Variants in ARMCX4 observed in about 807,000 individuals in gnomAD.
ARMCX4 encodes the protein armadillo repeat-containing X-linked protein 4.
Under a neutral mutation model 34.7 loss-of-function variants are expected in ARMCX4, and 3 were observed. That is an observed-to-expected ratio of 0.09 (90% CI 0.04 to 0.22). The LOEUF (loss-of-function observed/expected upper bound fraction) is 0.22. ARMCX4 is among the 10% of genes least tolerant of loss of function. ARMCX4 has a pLI of 1.00. For missense variants in ARMCX4, 1,448 were observed against 1,720.8 expected, an observed-to-expected ratio of 0.84 and a Z score of 2.81; for synonymous variants, 513 against 632.8, an observed-to-expected ratio of 0.81 and a Z score of 2.84.
At chrX:101,523,050 C>T (rs1423508879) in intron 11 of ARMCX4, among the ~76,000 whole-genome samples, 1 of 111,596 alleles carries the variant, frequency 9.0e-6, no homozygotes, top group Non-Finnish European at 1.9e-5. Flanking sequence ...ATATATGAAG[C>T]TACGTTCACT....
At chrX:101,446,932 C>T (rs1170023090), downstream of ARMCX4, among the ~76,000 whole-genome samples, 11 of 99,365 alleles carry the variant, frequency 1.1e-4, no homozygotes, top group South Asian at 3.1e-3. Context: ...CCAGCCTAGG[C>T]GACAGAGTGA....
intron 2 of ARMCX4, among the ~76,000 whole-genome samples, chrX:101,432,414 G>C (rs1323471219): frequency 9.0e-6 from 1 of 111,553 alleles, no homozygotes; most frequent in African/African-American, 3.3e-5. Flanking sequence ...TGTAATCCCA[G>C]CACTTTGGGA....
chrX:101,489,188 C>T lies in ARMCX4; in HGVS notation c.599C>T (p.Thr200Ile). 8.7e-7 allele frequency: 1 copy of T among 1,155,455 alleles called. No homozygotes were observed. Among genetic ancestry groups the T allele is most frequent in the South Asian group, 1.9e-5 (1 of 52,697 alleles). ...ACTCATATATTGGCTGAAAAAGAGA[C>T]AGAGATTAACAGAGTAATGGTTACA... The part of the protein sequence containing the change: ...AETHILAEKE[T>I]EINRVMVTQS... Residue 200 changes from threonine (T) to isoleucine (I), a missense_variant, in exon 6 of 6, where the codon ACA becomes ATA. Transcript: ENST00000423738.
chrX:101,491,491 G>A lies in ARMCX4; in HGVS notation c.2902G>A (p.Val968Ile). The A allele has an allele frequency of 8.7e-7, 1 of 1,154,703 alleles. No homozygotes were observed. Among genetic ancestry groups the A allele is most frequent in the Non-Finnish European group, 1.1e-6 (1 of 872,533 alleles). Residue 968 changes from valine (V) to isoleucine (I), a missense_variant, in exon 6 of 6, where the codon GTC becomes ATC. Coordinates refer to ENST00000423738, the MANE Select transcript of ARMCX4 (RefSeq NM_001256155.3). ...GEVLPGAKNKVRGNSNAVPKA... is the reference protein window; with the variant it reads ...GEVLPGAKNKIRGNSNAVPKA... Reference sequence around the variant, plus strand: ...GGTCTTGCCTGGGGCCAAAAATAAGGTCAGGGGCAATTCCAATGCTGTGCC... The same window carrying A: ...GGTCTTGCCTGGGGCCAAAAATAAGATCAGGGGCAATTCCAATGCTGTGCC...
At chrX:101,437,865 C>A (rs1373581254) in intron 2 of ARMCX4, among the ~76,000 whole-genome samples, 1 of 111,913 alleles carries the variant, frequency 8.9e-6, no homozygotes, top group East Asian at 2.8e-4. Context: ...TCATTGGTTT[C>A]AAAGAACATC....
chrX:101,523,937 A>G (rs1556019735), intron 11 of ARMCX4, among the ~76,000 whole-genome samples: 1 of 109,586 alleles, frequency 9.1e-6, no homozygotes, highest in African/African-American at 3.4e-5. Flanking sequence ...GCCTGCAGGC[A>G]TAGCTTTTTT....
Position 101,493,904 on chromosome X carries a change from G to T in ARMCX4, c.5315G>T (p.Gly1772Val). 1 of 1,152,506 alleles carries T rather than the reference G, an allele frequency of 8.7e-7. No homozygotes were observed. The highest frequency in any genetic ancestry group is 1.9e-5 in the South Asian group (1 of 52,546). The allele number at this position is 1,152,506 out of a possible 1,213,427, so 95.0% of individuals were successfully genotyped here. A position where few individuals can be genotyped will look rare whatever the true frequency, so the allele number is the denominator to read the frequency against. The part of the protein sequence containing the change: ...KDEATTASRS[G>V]AGEEAMICSR... The stretch of plus-strand genomic sequence containing the variant: ...GAGGCCACTACTGCATCCAGATCAG[G>T]GGCTGGGGAAGAGGCCATGATTTGT... Residue 1772 changes from glycine (G) to valine (V), a missense_variant, in exon 6 of 6, where the codon GGG (glycine) becomes GTG (valine). Coordinates refer to ENST00000423738, the MANE Select transcript of ARMCX4 (RefSeq NM_001256155.3).
intron 11 of ARMCX4, among the ~76,000 whole-genome samples, chrX:101,515,343 TTTTCTTTCTTTCTTTCTTTC>T: frequency 5.9e-5 from 1 of 17,004 alleles, no homozygotes; most frequent in Admixed American, 6.8e-4. Context: ...TTTCCTTTCC[TTTTCTTTCTTTCTTTCTTTC>T]TTTCTTTCTT....
At chrX:101,487,825 C>T in intron 4 of ARMCX4, 134 bp downstream of exon 4, 1 of 295,706 alleles carries the variant, frequency 3.4e-6, no homozygotes, top group Non-Finnish European at 6.0e-6. Flanking sequence ...CCTTTCCCAC[C>T]ATCCCTGTCA....
chrX:101,420,125 G>T (rs1929145983), intron 2 of ARMCX4, among the ~76,000 whole-genome samples: 1 of 111,998 alleles, frequency 8.9e-6, no homozygotes, highest in Non-Finnish European at 1.9e-5. Flanking sequence ...CACTCTGGGA[G>T]GCCGAGGCGG....
intron 4 of ARMCX4, among the ~76,000 whole-genome samples, chrX:101,456,791 A>G (rs782174209): frequency 9.0e-6 from 1 of 111,284 alleles, no homozygotes; most frequent in East Asian, 2.8e-4. Context: ...TTAATTGTCT[A>G]ATTTTTCCTT....
Position 101,487,671 on chromosome X carries a change from G to A in ARMCX4, c.-223G>A, listed in dbSNP as rs1016843743. The stretch of plus-strand genomic sequence containing the variant: ...GAAGCAAAGAAACAAAGAGGAGATT[G>A]CTCCTGATCAGTATAGACTGGTAAG... On this transcript the variant is annotated 5_prime_UTR_variant, in exon 4 of 6. Coordinates refer to ENST00000423738, the MANE Select transcript of ARMCX4 (RefSeq NM_001256155.3). The A allele has an allele frequency of 1.1e-4, 109 of 962,474 alleles. No individual in the cohort carries two copies. Among genetic ancestry groups the A allele is most frequent in the Admixed American group, 1.5e-4 (5 of 32,750 alleles). The allele number at this position is 962,474 out of a possible 1,213,427, so 79.3% of individuals were successfully genotyped here. A position where few individuals can be genotyped will look rare whatever the true frequency, so the allele number is the denominator to read the frequency against.
intron 2 of ARMCX4, among the ~76,000 whole-genome samples, chrX:101,436,345 T>C (rs373249149): frequency 9.0e-6 from 1 of 110,934 alleles, no homozygotes; most frequent in South Asian, 3.8e-4. Flanking sequence ...AGTTCTCCTT[T>C]ACGAGGTCCT....
downstream of ARMCX4, chrX:101,499,293 C>T (rs1183476083): frequency 2.7e-5 from 3 of 111,455 alleles, no homozygotes; most frequent in South Asian, 3.8e-4. Context: ...AAAGCCATGG[C>T]GTACATAAAG....
At chrX:101,529,680 A>T (rs1935074896) in intron 11 of ARMCX4, among the ~76,000 whole-genome samples, 1 of 112,583 alleles carries the variant, frequency 8.9e-6, no homozygotes, top group Non-Finnish European at 1.9e-5. Flanking sequence ...AAAGTATATG[A>T]ACAGACACTT....
At chrX:101,511,081 T>C (rs1934570816) in intron 11 of ARMCX4, 1 of 111,703 alleles carries the variant, frequency 9.0e-6, no homozygotes, top group Non-Finnish European at 1.9e-5. Context: ...TTCATTTTGA[T>C]AGGAACTTAA....
chrX:101,520,509 C>A (rs1251448852), intron 11 of ARMCX4, among the ~76,000 whole-genome samples: 1 of 112,142 alleles, frequency 8.9e-6, no homozygotes, highest in Non-Finnish European at 1.9e-5. Flanking sequence ...TTTTCTGTGT[C>A]TATTGAAATG....
intron 4 of ARMCX4, among the ~76,000 whole-genome samples, chrX:101,478,217 TATAA>T (rs1164172529): frequency 1.8e-5 from 2 of 112,142 alleles, no homozygotes; most frequent in African/African-American, 6.5e-5. Flanking sequence ...TTACAGACAA[TATAA>T]ATGTCTTTTG....
chrX:101,437,135 G>C lies in ARMCX4; in HGVS notation n.165-6917G>C, dbSNP rs782160598. 2.7e-5 allele frequency among the ~76,000 whole-genome samples: 3 copies of C among 111,630 alleles called. 1 individual carries two copies. The South Asian group carries it at 1.1e-3, about 42-fold the overall frequency. On this transcript the variant is annotated intron_variant and non_coding_transcript_variant, in intron 2 of 3. Coordinates refer to the ARMCX4 transcript ENST00000430461. ...TTTTGTTGTGTCTCTGTCAGGCTTT[G>C]GTATCAAGATGATGCTGGCCTCATA...
Sources: gnomAD v4.1 joint callset for allele counts (sites outside exome capture counted in the v4.1 genomes callset) on GRCh38, gnomAD v4.1.1 for gene constraint, MANE v1.5 for transcripts, NCBI Gene and HGNC (gene_info 2026-07-23, HGNC 2026-07-21) for gene names.